CNTNAP2: variants seen among roughly 807,000 people sequenced by gnomAD.
The protein encoded by CNTNAP2 is contactin-associated protein-like 2.
In CNTNAP2, 98 loss-of-function variants were observed where a neutral mutation model predicts 155.2. The observed-to-expected ratio is 0.63, with a 90% CI of 0.54 to 0.75. The LOEUF (loss-of-function observed/expected upper bound fraction) is 0.75, where lower values mean the gene tolerates loss of function less well. Ranked by LOEUF, CNTNAP2 falls within the 30% of genes least tolerant of loss-of-function variation. The probability of loss-of-function intolerance (pLI) is 0.00; values close to 1 mark genes in which losing one functional copy is unlikely to be tolerated. For missense variants in CNTNAP2, 1,727 were observed against 1,688.1 expected (o/e 1.02, Z -0.40); for synonymous variants, 651 against 631.2 (o/e 1.03, Z -0.47).
chr7:146,352,021 T>G (rs369929470), intron 1 of CNTNAP2, among the ~76,000 whole-genome samples: 13 of 152,308 alleles, frequency 8.5e-5, no homozygotes, highest in Non-Finnish European at 1.9e-4. Context: ...GAAAGAAGAC[T>G]TCAAGGGTTA....
intron 1 of CNTNAP2, among the ~76,000 whole-genome samples, chr7:146,328,089 G>A (rs548064868): frequency 6.6e-6 from 1 of 152,288 alleles, no homozygotes; most frequent in African/African-American, 2.4e-5. Flanking sequence ...CCGGAGGTGA[G>A]CAGCAGGCAA....
chr7:146,462,542 T>A (rs1796652565), intron 1 of CNTNAP2, among the ~76,000 whole-genome samples: 1 of 152,204 alleles, frequency 6.6e-6, no homozygotes, highest in Non-Finnish European at 1.5e-5. Context: ...TTGATCTCTT[T>A]ATTAAAGTAA....
At chr7:147,802,045 C>G (rs1301923678) in intron 13 of CNTNAP2, among the ~76,000 whole-genome samples, 9 of 150,748 alleles carry the variant, frequency 6.0e-5, no homozygotes, top group Non-Finnish European at 1.0e-4. Context: ...CGGAGGGGCT[C>G]CTCACTTCTC....
chr7:146,344,834 A>G (rs1436294318), intron 1 of CNTNAP2, among the ~76,000 whole-genome samples: 1 of 152,222 alleles, frequency 6.6e-6, no homozygotes, highest in Non-Finnish European at 1.5e-5. Flanking sequence ...TTAGTCCAGT[A>G]GTTACATACC....
intron 11 of CNTNAP2, among the ~76,000 whole-genome samples, chr7:147,529,088 G>GC (rs2116721536): frequency 6.6e-6 from 1 of 152,288 alleles, no homozygotes; most frequent in South Asian, 2.1e-4. Context: ...AAATATGTGA[G>GC]CATATCAGCA....
chr7:147,807,744 A>G (rs1798114215), intron 13 of CNTNAP2, among the ~76,000 whole-genome samples: 1 of 152,204 alleles, frequency 6.6e-6, no homozygotes, highest in Admixed American at 6.5e-5. Context: ...GGGGGAATAG[A>G]TCAGGTTTTC....
chr7:147,766,429 C>T (rs968852501), intron 13 of CNTNAP2, among the ~76,000 whole-genome samples: 10 of 151,886 alleles, frequency 6.6e-5, no homozygotes, highest in Admixed American at 5.3e-4. Flanking sequence ...TGAGTAATAA[C>T]GGTGTAGGTG....
At chr7:148,395,177 C>T (rs1799441661) in intron 22 of CNTNAP2, among the ~76,000 whole-genome samples, 1 of 140,724 alleles carries the variant, frequency 7.1e-6, no homozygotes, top group Admixed American at 7.4e-5. Context: ...CTCAAAGAAC[C>T]AGCTCTTAGA....
intron 15 of CNTNAP2, among the ~76,000 whole-genome samples, chr7:148,117,217 C>T (rs1804492633): frequency 6.6e-6 from 1 of 152,196 alleles, no homozygotes; most frequent in African/African-American, 2.4e-5. Flanking sequence ...CACATCTTCT[C>T]CAAGAGCTCA....
intron 15 of CNTNAP2, among the ~76,000 whole-genome samples, chr7:148,004,446 C>T (rs1801941970): frequency 6.6e-6 from 1 of 152,118 alleles, no homozygotes; most frequent in Non-Finnish European, 1.5e-5. Context: ...TATGTGAACA[C>T]AGCTAATAAT....
In CNTNAP2 at chr7:146,687,634, T is replaced by C. The variant is rs189622779; in HGVS notation, c.98-86637T>C. Among the ~76,000 whole-genome samples the C allele has an allele frequency of 3.7e-3, 564 of 152,298 alleles. 4 individuals are homozygous for C. Among genetic ancestry groups the C allele is most frequent in the Non-Finnish European group, 6.1e-3 (415 of 68,014 alleles). ...TGTTTGCACAGATAATTATGGCTTT[T>C]TAAAGAATCAAGTTATCAGATCATT... On this transcript the variant is annotated intron_variant, in intron 1 of 23. Coordinates refer to ENST00000361727, the MANE Select transcript of CNTNAP2 (RefSeq NM_014141.6).
At chr7:146,938,146 C>G (rs1796963265) in intron 3 of CNTNAP2, among the ~76,000 whole-genome samples, 1 of 152,016 alleles carries the variant, frequency 6.6e-6, no homozygotes, top group Admixed American at 6.6e-5. Flanking sequence ...TCTCTAGTCT[C>G]CCCTAGTCAT....
intron 12 of CNTNAP2, among the ~76,000 whole-genome samples, chr7:147,565,963 A>G (rs1800161328): frequency 6.6e-6 from 1 of 151,766 alleles, no homozygotes; most frequent in Admixed American, 6.6e-5. Context: ...TAACAGAGAA[A>G]CAGCATCTCA....
chr7:148,390,271 G>A (rs969895555), intron 22 of CNTNAP2, among the ~76,000 whole-genome samples: 1 of 152,100 alleles, frequency 6.6e-6, no homozygotes, highest in African/African-American at 2.4e-5. Context: ...CTGCCTGTTT[G>A]CAACTGGAAA....
At chr7:146,953,886 T>A (rs894871110) in intron 3 of CNTNAP2, among the ~76,000 whole-genome samples, 1 of 151,906 alleles carries the variant, frequency 6.6e-6, no homozygotes, top group African/African-American at 2.4e-5. Context: ...GGTAAAAAAA[T>A]ATTTATTCTG....
chr7:148,146,585 AG>A (rs1805183027), intron 16 of CNTNAP2, among the ~76,000 whole-genome samples: 1 of 152,232 alleles, frequency 6.6e-6, no homozygotes, highest in African/African-American at 2.4e-5. Context: ...GGTCAGTGCT[AG>A]AGGGTAGGTT....
chr7:147,111,748 A>C (rs895479603), intron 5 of CNTNAP2, among the ~76,000 whole-genome samples: 7 of 152,172 alleles, frequency 4.6e-5, no homozygotes, highest in African/African-American at 1.7e-4. Flanking sequence ...TATCAGTACC[A>C]TGCTGTTTTG....
chr7:148,199,501 A>G lies in CNTNAP2; in HGVS notation c.3011-17787A>G, dbSNP rs116832629. 1.2e-3 allele frequency among the ~76,000 whole-genome samples: 182 copies of G among 152,318 alleles called. 1 individual carries two copies. Among genetic ancestry groups the G allele is most frequent in the African/African-American group, 4.1e-3 (172 of 41,576 alleles). On this transcript the variant is annotated intron_variant, in intron 18 of 23. Coordinates refer to ENST00000361727, the MANE Select transcript of CNTNAP2 (RefSeq NM_014141.6). ...TGTTGTTAAAATGATTCCAATGCCCATGTCGAAAACACGTCTCCAAAGGCT... is the reference window on the plus strand; with the variant it reads ...TGTTGTTAAAATGATTCCAATGCCCGTGTCGAAAACACGTCTCCAAAGGCT...
intron 14 of CNTNAP2, among the ~76,000 whole-genome samples, chr7:147,923,015 A>G (rs1387540661): frequency 6.6e-6 from 1 of 152,110 alleles, no homozygotes; most frequent in Non-Finnish European, 1.5e-5. Flanking sequence ...TATAAATAGT[A>G]CTAAAAAACC....
Sources: allele counts gnomAD v4.1 joint callset (sites outside exome capture counted in the v4.1 genomes callset), GRCh38; gene constraint gnomAD v4.1.1; transcripts MANE v1.5; gene names NCBI Gene and HGNC (gene_info 2026-07-23, HGNC 2026-07-21).